The following HPSE2 variants were observed in gnomAD, a reference collection of about 807,000 sequenced individuals.
HPSE2 encodes the protein heparanase 2 (inactive).
Under a neutral mutation model 60.5 loss-of-function variants are expected in HPSE2, and 38 were observed. The ratio of observed to expected loss-of-function variants is 0.63; its 90% CI spans 0.48 to 0.82. The LOEUF is 0.82. Ranked by LOEUF, HPSE2 falls within the 40% of genes least tolerant of loss-of-function variation. HPSE2 has a pLI of 0.00. For synonymous variants in HPSE2, 295 were observed against 293.2 expected (o/e 1.01, Z -0.06); for missense variants, 713 against 740.4 (o/e 0.96, Z 0.43).
At chr10:99,202,316 T>C (rs1848601670) in intron 2 of HPSE2, among the ~76,000 whole-genome samples, 1 of 152,216 alleles carries the variant, frequency 6.6e-6, no homozygotes, top group South Asian at 2.1e-4. Flanking sequence ...TTTTAAATGT[T>C]ATAAGGGTAT....
chr10:98,542,885 C>T (rs1246056538), intron 9 of HPSE2, among the ~76,000 whole-genome samples: 1 of 152,110 alleles, frequency 6.6e-6, no homozygotes, highest in African/African-American at 2.4e-5. Flanking sequence ...GAGAATGGAA[C>T]CAAGTTGGAA....
chr10:99,124,923 C>T (rs886758090), intron 3 of HPSE2, among the ~76,000 whole-genome samples: 1 of 152,226 alleles, frequency 6.6e-6, no homozygotes, highest in Admixed American at 6.5e-5. Flanking sequence ...CTGGCATCTT[C>T]ACAGCAGCCA....
At chr10:99,116,443 C>T (rs950602091) in intron 3 of HPSE2, among the ~76,000 whole-genome samples, 4 of 152,146 alleles carry the variant, frequency 2.6e-5, no homozygotes, top group Non-Finnish European at 5.9e-5. Context: ...TTGACACCCT[C>T]GAAGACAATG....
intron 3 of HPSE2, among the ~76,000 whole-genome samples, chr10:98,995,606 A>G (rs1377477827): frequency 6.6e-6 from 1 of 152,178 alleles, no homozygotes; most frequent in Non-Finnish European, 1.5e-5. Flanking sequence ...TTCCCCCTTA[A>G]GATAAATATT....
intron 3 of HPSE2, chr10:99,013,064 A>G (rs950981995): frequency 3.6e-6 from 2 of 559,590 alleles, no homozygotes; most frequent in African/African-American, 3.9e-5. Context: ...TTAGCACTTC[A>G]TTTATACAAA....
intron 6 of HPSE2, among the ~76,000 whole-genome samples, chr10:98,670,590 C>G (rs901662823): frequency 6.6e-6 from 1 of 152,172 alleles, no homozygotes; most frequent in Non-Finnish European, 1.5e-5. Context: ...TAAGAAAAAA[C>G]AAGGAAGTGG....
At chr10:98,684,522 T>C (rs189498420) in intron 6 of HPSE2, among the ~76,000 whole-genome samples, 12 of 152,302 alleles carry the variant, frequency 7.9e-5, no homozygotes, top group Admixed American at 7.8e-4. Context: ...AATATTTACA[T>C]AGTAACAAAA....
chr10:99,026,960 A>T lies in HPSE2; in HGVS notation c.610+117278T>A, dbSNP rs537967881. ...AACACAAAATACCAAAACCTGTGGG[A>T]TACAGCAAAGGAAGTACTATGGGAA... On this transcript the variant is annotated intron_variant, in intron 3 of 11. Transcript: ENST00000370552. Among the ~76,000 whole-genome samples the T allele has an allele frequency of 4.9e-4, 75 of 152,228 alleles. 1 individual carries two copies. The highest frequency in any genetic ancestry group is 3.4e-3 in the Middle Eastern group (1 of 294).
chr10:98,533,446 C>G (rs1398555796), intron 9 of HPSE2, among the ~76,000 whole-genome samples: 4 of 152,136 alleles, frequency 2.6e-5, no homozygotes, highest in Non-Finnish European at 4.4e-5. Context: ...TGCAATTCTT[C>G]TAAATCTGGG....
chr10:98,945,559 C>A (rs1955156004), intron 3 of HPSE2, among the ~76,000 whole-genome samples: 1 of 151,906 alleles, frequency 6.6e-6, no homozygotes, highest in Non-Finnish European at 1.5e-5. Context: ...TTAATTGCTA[C>A]CTAGAAAGAC....
At chr10:98,554,377 A>G (rs964438104) in intron 9 of HPSE2, among the ~76,000 whole-genome samples, 7 of 152,228 alleles carry the variant, frequency 4.6e-5, no homozygotes, top group African/African-American at 1.7e-4. Context: ...GACGTCCTTC[A>G]TGAAGTCTCT....
intron 3 of HPSE2, among the ~76,000 whole-genome samples, chr10:98,971,526 G>T (rs183688373): frequency 6.6e-6 from 1 of 152,032 alleles, no homozygotes; most frequent in African/African-American, 2.4e-5. Context: ...ATTATTATCT[G>T]AGCATGTATT....
chr10:99,234,661 G>A (rs1263563327), intron 1 of HPSE2, among the ~76,000 whole-genome samples: 1 of 152,154 alleles, frequency 6.6e-6, no homozygotes, highest in Non-Finnish European at 1.5e-5. Flanking sequence ...ACAAGCCCTA[G>A]AGCAAAGGGG....
In HPSE2 at chr10:98,492,510, C is replaced by CAAA. The variant is rs10645866; in HGVS notation, c.1321-2317_1321-2315dup. ...GAACGAGATTCCGTCTCAAAAAAGACAAAAAAAAAAAAAAAAGAAAAGAAA... is the reference window on the plus strand; with the variant it reads ...GAACGAGATTCCGTCTCAAAAAAGACAAAAAAAAAAAAAAAAAAAGAAAAGAAA... On this transcript the variant is annotated intron_variant, in intron 9 of 11. Coordinates refer to ENST00000370552, the MANE Select transcript of HPSE2 (RefSeq NM_021828.5). Among the ~76,000 whole-genome samples, 593 of 112,110 alleles carry CAAA rather than the reference C, an allele frequency of 5.3e-3. 1 individual carries two copies. Among genetic ancestry groups the CAAA allele is most frequent in the African/African-American group, 0.014 (395 of 28,802 alleles). 73.5% of individuals were successfully genotyped at this position (112,110 alleles called of 152,430 possible).
intron 3 of HPSE2, among the ~76,000 whole-genome samples, chr10:99,069,072 C>T (rs1842703639): frequency 6.6e-6 from 1 of 152,134 alleles, no homozygotes; most frequent in Non-Finnish European, 1.5e-5. Context: ...CAAACTCTTC[C>T]AGTAACTGAA....
chr10:98,514,502 C>G (rs1416425423), intron 9 of HPSE2, among the ~76,000 whole-genome samples: 3 of 152,056 alleles, frequency 2.0e-5, no homozygotes, highest in Non-Finnish European at 2.9e-5. Flanking sequence ...TTGAGAGTAA[C>G]TTGGCAATAT....
At chr10:99,244,094 C>T in the HPSE2 span, among the ~76,000 whole-genome samples, 4 of 152,136 alleles carry the variant, frequency 2.6e-5, no homozygotes, top group Non-Finnish European at 5.9e-5. Flanking sequence ...GTCACCCAGG[C>T]GGGACTGCAG....
chr10:98,860,475 G>C (rs1286327331), intron 3 of HPSE2, among the ~76,000 whole-genome samples: 1 of 152,156 alleles, frequency 6.6e-6, no homozygotes, highest in East Asian at 1.9e-4. Context: ...TATGAGTTAA[G>C]AAAATTGAGC....
At chr10:99,175,806 A>AC (rs1847502802) in intron 2 of HPSE2, among the ~76,000 whole-genome samples, 1 of 151,910 alleles carries the variant, frequency 6.6e-6, no homozygotes, top group Non-Finnish European at 1.5e-5. Context: ...TGGGTCCCTG[A>AC]CCCCCATGCC....
Sources: allele counts gnomAD v4.1 joint callset (sites outside exome capture counted in the v4.1 genomes callset), GRCh38; gene constraint gnomAD v4.1.1; transcripts MANE v1.5; gene names NCBI Gene and HGNC (gene_info 2026-07-23, HGNC 2026-07-21).